ZNF544: variants seen among roughly 807,000 people sequenced by gnomAD.
ZNF544 encodes the protein zinc finger protein AF020591.
A neutral mutation model predicts 13.5 loss-of-function variants in ZNF544; 10 were observed. The observed-to-expected ratio is 0.74, with a 90% CI of 0.46 to 1.25. ZNF544 has a LOEUF of 1.25. ZNF544 is among the 50% of genes most tolerant of loss of function. The probability of loss-of-function intolerance (pLI) is 0.00; values close to 1 mark genes in which losing one functional copy is unlikely to be tolerated. For synonymous variants in ZNF544, 323 were observed against 300.5 expected (o/e 1.07, Z -0.77); for missense variants, 896 against 845.6 (o/e 1.06, Z -0.74).
chr19:58,234,202 G>T (rs1024525336), intron 3 of ZNF544, among the ~76,000 whole-genome samples: 1 of 152,186 alleles, frequency 6.6e-6, no homozygotes, highest in South Asian at 2.1e-4. Context: ...ACTTTCTCTA[G>T]CTGTGGCCCT....
intron 4 of ZNF544, among the ~76,000 whole-genome samples, 157 bp downstream of exon 4, chr19:58,244,213 G>A (rs2044555936): frequency 1.3e-5 from 2 of 152,002 alleles, no homozygotes; most frequent in African/African-American, 4.8e-5. Context: ...AGTAAAGCGC[G>A]GCACCCGTCA....
chr19:58,260,505 C>A (rs956736498), intron 6 of ZNF544: 5 of 174,272 alleles, frequency 2.9e-5, no homozygotes, highest in African/African-American at 1.2e-4. Flanking sequence ...GTCTCTAACT[C>A]CTGACCTCAG....
downstream of ZNF544, among the ~76,000 whole-genome samples, chr19:58,268,917 G>A (rs867810494): frequency 7.9e-5 from 12 of 152,344 alleles, no homozygotes; most frequent in Middle Eastern, 3.4e-3. Flanking sequence ...AGGTTTCAAG[G>A]AAGTTAGTTT....
chr19:58,266,115 A>G (rs1600415681), downstream of ZNF544, among the ~76,000 whole-genome samples: 1 of 151,516 alleles, frequency 6.6e-6, no homozygotes. Context: ...CTGAGGCAGG[A>G]AAATCACTTG....
At chr19:58,243,462 C>G (rs1182287366) in intron 3 of ZNF544, among the ~76,000 whole-genome samples, 1 of 135,424 alleles carries the variant, frequency 7.4e-6, no homozygotes, top group Non-Finnish European at 1.7e-5. Flanking sequence ...GAGAGGGTGA[C>G]AGGCATGCCC....
At position 58,241,179 on chromosome 19, in the gene ZNF544, A is replaced by ATT. The variant is rs57421577; in HGVS notation, c.-59-2774_-59-2773dup. On this transcript the variant is annotated intron_variant, in intron 3 of 6. Transcript: ENST00000687789. Reference sequence around the variant, plus strand: ...TATATTTAAATATATATATATATATATTTTTTTTTTTTTGTAGAGATAGGG... The same window carrying ATT: ...TATATTTAAATATATATATATATATATTTTTTTTTTTTTTTGTAGAGATAGGG... 3.2e-3 allele frequency among the ~76,000 whole-genome samples: 234 copies of ATT among 72,762 alleles called. 8 individuals carry two copies. The highest frequency in any genetic ancestry group is 5.7e-3 in the Admixed American group (33 of 5,756). 47.7% of individuals were successfully genotyped at this position (72,762 alleles called of 152,430 possible). A position where few individuals can be genotyped will look rare whatever the true frequency, so the allele number is the denominator to read the frequency against.
chr19:58,241,182 T>TAAATATATATATATATATATATATATATA (rs1490534373), intron 3 of ZNF544, among the ~76,000 whole-genome samples: 22 of 66,292 alleles, frequency 3.3e-4, no homozygotes, highest in African/African-American at 9.2e-4. Flanking sequence ...TATATATATT[T>TAAATATATATATATATATATATATATATA]TTTTTTTTTT....
intron 3 of ZNF544, among the ~76,000 whole-genome samples, chr19:58,240,227 C>T (rs1366374470): frequency 6.6e-6 from 1 of 152,036 alleles, no homozygotes; most frequent in Non-Finnish European, 1.5e-5. Context: ...TCAGAGGTTA[C>T]AGCCAGTCAA....
Position 58,246,417 on chromosome 19 carries a change from T to C in ZNF544, c.150T>C (p.Ile50=). ...TGACACTGGAGACCTGGGAGCATATTGTCTCCCTGGGTAAGTGGCTGTGCT... is the reference window on the plus strand; with the variant it reads ...TGACACTGGAGACCTGGGAGCATATCGTCTCCCTGGGTAAGTGGCTGTGCT... ...REVTLETWEH[I]VSLGLFLSKS... is the part of the protein sequence containing the mutation. The change falls in exon 5 of 7, where the codon ATT becomes ATC. Residue 50 remains isoleucine (I), a synonymous_variant. Coordinates refer to ENST00000687789, the MANE Select transcript of ZNF544 (RefSeq NM_014480.4). The C allele has an allele frequency of 6.2e-7, 1 of 1,614,004 alleles. No homozygotes were observed. Among genetic ancestry groups the C allele is most frequent in the Non-Finnish European group, 8.5e-7 (1 of 1,179,968 alleles).
At chr19:58,276,669 T>C (rs1224393419) in intron 6 of ZNF544, among the ~76,000 whole-genome samples, 1 of 152,192 alleles carries the variant, frequency 6.6e-6, no homozygotes, top group Non-Finnish European at 1.5e-5. Flanking sequence ...GGTTTCACCA[T>C]GTTGGCCAGG....
At chr19:58,248,666 C>T (rs968684153) in intron 6 of ZNF544, among the ~76,000 whole-genome samples, 7 of 152,188 alleles carry the variant, frequency 4.6e-5, no homozygotes, top group African/African-American at 1.7e-4. Context: ...TCATCCCTCC[C>T]TCATCCCCAG....
intron 5 of ZNF544, among the ~76,000 whole-genome samples, chr19:58,273,305 G>C (rs1390210851): frequency 6.6e-6 from 1 of 152,110 alleles, no homozygotes; most frequent in Non-Finnish European, 1.5e-5. Flanking sequence ...ACAGCTATTT[G>C]GTCAAAGAGG....
At chr19:58,246,566 ATTCT>A (rs1461513906) in intron 5 of ZNF544, 139 bp downstream of exon 5, 27 of 1,470,488 alleles carry the variant, frequency 1.8e-5, no homozygotes, top group Non-Finnish European at 1.9e-6. Flanking sequence ...GTTGCCCTTC[ATTCT>A]ATCTCTGGGA....
At chr19:58,241,061 T>A (rs1002934486) in intron 3 of ZNF544, among the ~76,000 whole-genome samples, 2 of 130,220 alleles carry the variant, frequency 1.5e-5, no homozygotes, top group African/African-American at 5.5e-5. Context: ...AATCTCAACC[T>A]CCTGGGCTCA....
chr19:58,232,765 TA>T (rs529610316), intron 3 of ZNF544, among the ~76,000 whole-genome samples: 3,140 of 108,034 alleles, frequency 0.029, 66 homozygotes, highest in Admixed American at 0.074. Context: ...CCGTCTCTAC[TA>T]AAAAAAAAAA....
downstream of ZNF544, among the ~76,000 whole-genome samples, chr19:58,265,380 C>T (rs994686291): frequency 6.6e-6 from 1 of 151,554 alleles, no homozygotes; most frequent in South Asian, 2.1e-4. Context: ...ACTGCAAGCT[C>T]CACCTCCTGG....
At chr19:58,229,746 A>G (rs1827633607) in intron 2 of ZNF544, 176 bp downstream of exon 2, 1 of 152,424 alleles carries the variant, frequency 6.6e-6, no homozygotes, top group Admixed American at 6.5e-5. Flanking sequence ...TGTGTATGTA[A>G]CGCCTGTAAG....
At chr19:58,253,322 A>AT (rs932544833) in intron 6 of ZNF544, among the ~76,000 whole-genome samples, 15 of 152,168 alleles carry the variant, frequency 9.9e-5, no homozygotes, top group African/African-American at 1.7e-4. Context: ...CTTGTTAGCC[A>AT]TTTTTTTATT....
chr19:58,275,200 A>T (rs1302354496), intron 5 of ZNF544, among the ~76,000 whole-genome samples: 1 of 152,060 alleles, frequency 6.6e-6, no homozygotes, highest in African/African-American at 2.4e-5. Context: ...GCCCCCCCAC[A>T]CTTGTCTCCC....
Sources: gnomAD v4.1 joint callset for allele counts (sites outside exome capture counted in the v4.1 genomes callset) on GRCh38, gnomAD v4.1.1 for gene constraint, MANE v1.5 for transcripts, NCBI Gene and HGNC (gene_info 2026-07-23, HGNC 2026-07-21) for gene names.